CTNND2: variants seen among roughly 807,000 people sequenced by gnomAD.
CTNND2 encodes the protein catenin delta 2.
In CTNND2, 22 loss-of-function variants were observed where a neutral mutation model predicts 144.4. The observed-to-expected ratio is 0.15, with a 90% CI of 0.11 to 0.22. The LOEUF is 0.22. Ranked by LOEUF, CTNND2 falls within the 10% of genes least tolerant of loss-of-function variation. CTNND2 has a pLI of 1.00. For synonymous variants in CTNND2, 751 were observed against 695.6 expected (o/e 1.08, Z -1.25); for missense variants, 1,353 against 1,618.8 (o/e 0.84, Z 2.82).
intron 12 of CTNND2, among the ~76,000 whole-genome samples, chr5:11,144,433 C>T (rs556601080): frequency 6.6e-6 from 1 of 152,142 alleles, no homozygotes; most frequent in Non-Finnish European, 1.5e-5. Context: ...GGTCCACCTG[C>T]AGGCTACCCG....
intron 8 of CTNND2, among the ~76,000 whole-genome samples, chr5:11,352,120 T>G (rs1004859404): frequency 2.0e-5 from 3 of 152,230 alleles, no homozygotes; most frequent in African/African-American, 7.2e-5. Context: ...TTAAAATAAT[T>G]GCATACATTA....
chr5:11,643,240 T>TTAG (rs1215978832), intron 2 of CTNND2, among the ~76,000 whole-genome samples: 1 of 152,072 alleles, frequency 6.6e-6, no homozygotes, highest in Non-Finnish European at 1.5e-5. Context: ...TTTTTTAATT[T>TTAG]TATTATTATT....
intron 1 of CTNND2, among the ~76,000 whole-genome samples, chr5:11,735,069 T>G (rs987713534): frequency 1.3e-5 from 2 of 152,010 alleles, no homozygotes; most frequent in African/African-American, 2.4e-5. Context: ...GGAAATAATA[T>G]CAACAAAACA....
At chr5:11,425,576 G>C (rs527339874) in intron 3 of CTNND2, among the ~76,000 whole-genome samples, 1 of 152,076 alleles carries the variant, frequency 6.6e-6, no homozygotes, top group Non-Finnish European at 1.5e-5. Flanking sequence ...ACTGCCAGTC[G>C]AATGTATAAA....
intron 2 of CTNND2, among the ~76,000 whole-genome samples, chr5:11,686,570 G>C (rs1466434382): frequency 6.6e-6 from 1 of 151,956 alleles, no homozygotes; most frequent in Non-Finnish European, 1.5e-5. Context: ...GCTCCAAAAA[G>C]GGGTTCTCAG....
intron 11 of CTNND2, among the ~76,000 whole-genome samples, chr5:11,180,909 C>T (rs1042908273): frequency 2.0e-5 from 3 of 152,206 alleles, no homozygotes; most frequent in Non-Finnish European, 2.9e-5. Flanking sequence ...TCAGACAGGG[C>T]TGAGCACTCC....
At chr5:11,363,950 A>G (rs919013057) in intron 8 of CTNND2, among the ~76,000 whole-genome samples, 1 of 152,246 alleles carries the variant, frequency 6.6e-6, no homozygotes, top group East Asian at 1.9e-4. Context: ...AGCAATGTGC[A>G]GCTTGATAAT....
chr5:11,782,417 A>C (rs1790590720), intron 1 of CTNND2, among the ~76,000 whole-genome samples: 1 of 149,794 alleles, frequency 6.7e-6, no homozygotes, highest in African/African-American at 2.5e-5. Flanking sequence ...GAAGGAGATT[A>C]AACCTAAATT....
In CTNND2 at chr5:11,622,213, T is replaced by G. The variant is rs151239471; in HGVS notation, c.175-57157A>C. 4.2e-3 allele frequency among the ~76,000 whole-genome samples: 643 copies of G among 152,246 alleles called. 14 individuals carry two copies. Among genetic ancestry groups the G allele is most frequent in the African/African-American group, 0.015 (616 of 41,542 alleles). On this transcript the variant is annotated intron_variant, in intron 2 of 21. Transcript: ENST00000304623. ...TTGTTCCTCAAGGTCTAAAAATACC[T>G]TAAAATTAGGATTTTTCTGTAGAAG...
chr5:11,284,173 G>A (rs1197614134), intron 9 of CTNND2, among the ~76,000 whole-genome samples: 2 of 152,204 alleles, frequency 1.3e-5, no homozygotes, highest in African/African-American at 2.4e-5. Flanking sequence ...AGAGCGTGAG[G>A]CACCATCTGA....
intron 1 of CTNND2, among the ~76,000 whole-genome samples, chr5:11,815,867 CCTT>C: frequency 6.6e-6 from 1 of 152,214 alleles, no homozygotes; most frequent in Admixed American, 6.5e-5. Context: ...TGGCTCTGTT[CCTT>C]CTAACTTTGT....
intron 16 of CTNND2, among the ~76,000 whole-genome samples, chr5:11,030,072 C>T (rs960009079): frequency 6.6e-6 from 1 of 152,022 alleles, no homozygotes; most frequent in Admixed American, 6.6e-5. Flanking sequence ...CTATATCAAC[C>T]TACTACCTCT....
chr5:11,311,679 TCACA>T (rs1020444887), intron 9 of CTNND2, among the ~76,000 whole-genome samples: 2 of 124,364 alleles, frequency 1.6e-5, no homozygotes, highest in Non-Finnish European at 3.3e-5. Context: ...ACATATGCTC[TCACA>T]CACTCACTCT....
chr5:11,790,216 T>A (rs1037052340), intron 1 of CTNND2, among the ~76,000 whole-genome samples: 1 of 152,214 alleles, frequency 6.6e-6, no homozygotes, highest in Non-Finnish European at 1.5e-5. Context: ...AAAAATAAAC[T>A]TTTTTTGGTT....
chr5:11,292,665 T>G (rs1748476592), intron 9 of CTNND2, among the ~76,000 whole-genome samples: 1 of 152,188 alleles, frequency 6.6e-6, no homozygotes, highest in African/African-American at 2.4e-5. Context: ...TCCTGAAGCC[T>G]CCCCAGCCAT....
At chr5:11,810,244 TAA>T (rs1170527673) in intron 1 of CTNND2, among the ~76,000 whole-genome samples, 1 of 152,098 alleles carries the variant, frequency 6.6e-6, no homozygotes, top group African/African-American at 2.4e-5. Flanking sequence ...GCTACCACGT[TAA>T]GTTAAATTGC....
chr5:11,557,113 T>C lies in CTNND2; in HGVS notation c.287+7831A>G, dbSNP rs1037188523. ...TTGTCACAGAATAAAATTTATTTTC[T>C]CTCAAAAACTTTAATAATTCAGCTT... On this transcript the variant is annotated intron_variant, in intron 3 of 21. Transcript: ENST00000304623. Among the ~76,000 whole-genome samples, 6 of 152,186 alleles carry C rather than the reference T, an allele frequency of 3.9e-5. No homozygotes were observed. The South Asian group carries it at 8.3e-4, about 21-fold the overall frequency.
chr5:11,179,610 G>A (rs1760812552), intron 11 of CTNND2, among the ~76,000 whole-genome samples: 1 of 152,042 alleles, frequency 6.6e-6, no homozygotes, highest in African/African-American at 2.4e-5. Flanking sequence ...AGATATATTT[G>A]TTATAAGAGA....
At chr5:11,450,662 G>A (rs1177438340) in intron 3 of CTNND2, among the ~76,000 whole-genome samples, 4 of 152,154 alleles carry the variant, frequency 2.6e-5, no homozygotes, top group Non-Finnish European at 4.4e-5. Context: ...CACTTTGGGA[G>A]GCCGAGGCGG....
Sources: gnomAD v4.1 joint callset for allele counts (sites outside exome capture counted in the v4.1 genomes callset) on GRCh38, gnomAD v4.1.1 for gene constraint, MANE v1.5 for transcripts, NCBI Gene and HGNC (gene_info 2026-07-23, HGNC 2026-07-21) for gene names.